The following MAD1L1 variants were observed in gnomAD, a reference collection of about 807,000 sequenced individuals.
MAD1L1 encodes mitotic spindle assembly checkpoint protein MAD1.
Under a neutral mutation model 96.9 loss-of-function variants are expected in MAD1L1, and 95 were observed. The ratio of observed to expected loss-of-function variants is 0.98; its 90% CI spans 0.83 to 1.16. The LOEUF is 1.16. Ranked by LOEUF, MAD1L1 falls within the 50% of genes most tolerant of loss-of-function variation. The pLI is 0.00. For missense variants in MAD1L1, 1,007 were observed against 954.4 expected, an observed-to-expected ratio of 1.06 and a Z score of -0.73; for synonymous variants, 473 against 396.6, an observed-to-expected ratio of 1.19 and a Z score of -2.29.
chr7:1,959,661 CG>C (rs1468621600), intron 15 of MAD1L1, among the ~76,000 whole-genome samples: 1 of 152,118 alleles, frequency 6.6e-6, no homozygotes, highest in African/African-American at 2.4e-5. Context: ...TCTGAAATAA[CG>C]AAAGAAATAA....
At chr7:2,186,913 C>T (rs993847304) in intron 10 of MAD1L1, among the ~76,000 whole-genome samples, 1 of 152,022 alleles carries the variant, frequency 6.6e-6, no homozygotes, top group East Asian at 1.9e-4. Flanking sequence ...CCTGCCTCAG[C>T]CTCCCCAGTA....
chr7:1,964,216 C>T (rs1038708824), intron 15 of MAD1L1, among the ~76,000 whole-genome samples: 4 of 152,170 alleles, frequency 2.6e-5, no homozygotes, highest in Admixed American at 1.3e-4. Flanking sequence ...AGGCCATCTC[C>T]GAGAAGCTGC....
chr7:1,957,092 C>G (rs1188965039), intron 16 of MAD1L1, among the ~76,000 whole-genome samples: 1 of 152,250 alleles, frequency 6.6e-6, no homozygotes, highest in Non-Finnish European at 1.5e-5. Flanking sequence ...ATGACAGGTC[C>G]TAGGCTGAGG....
intron 18 of MAD1L1, among the ~76,000 whole-genome samples, chr7:1,852,486 C>T (rs538344936): frequency 9.1e-4 from 138 of 152,284 alleles, no homozygotes; most frequent in Middle Eastern, 6.8e-3. Context: ...GGCAATGCCC[C>T]GCTCCCTGGG....
At chr7:1,877,353 T>C (rs902700367) in intron 18 of MAD1L1, among the ~76,000 whole-genome samples, 2 of 151,800 alleles carry the variant, frequency 1.3e-5, no homozygotes, top group South Asian at 4.2e-4. Flanking sequence ...ACCTGTTTCT[T>C]TACAGGAAAG....
chr7:2,138,416 C>T (rs932789223), intron 11 of MAD1L1, among the ~76,000 whole-genome samples: 3 of 152,194 alleles, frequency 2.0e-5, no homozygotes, highest in Admixed American at 2.0e-4. Context: ...AGAACCACGA[C>T]GAGGTGGGCG....
At position 1,904,654 on chromosome 7, in the gene MAD1L1, G is replaced by A. The variant is rs143415225; in HGVS notation, c.1808-6264C>T. Among the ~76,000 whole-genome samples, 330 of 116,190 alleles carry A rather than the reference G, an allele frequency of 2.8e-3. 71 individuals carry two copies. The highest frequency in any genetic ancestry group is 0.011 in the African/African-American group (270 of 23,622). The allele number at this position is 116,190 out of a possible 152,430, so 76.2% of individuals were successfully genotyped here. On this transcript the variant is annotated intron_variant, in intron 17 of 18. Transcript: ENST00000265854. Reference sequence around the variant, plus strand: ...AGTGGCCTATGGAAGACGCTCTTGCGGAATTCATGATTAATGAAGCACTGT... The same window carrying A: ...AGTGGCCTATGGAAGACGCTCTTGCAGAATTCATGATTAATGAAGCACTGT...
In MAD1L1 at chr7:1,830,653, T is replaced by C. The variant is rs139207171; in HGVS notation, c.1999-14425A>G. Among the ~76,000 whole-genome samples the C allele has an allele frequency of 4.0e-3, 605 of 152,362 alleles. 3 individuals carry two copies. The highest frequency in any genetic ancestry group is 0.014 in the African/African-American group (573 of 41,568). On this transcript the variant is annotated intron_variant, in intron 18 of 18. Transcript: ENST00000265854. ...CAGGAAGGAGAAGACTGGAAGTATGTGACTGTCAGGTTCTCACACTACACA... is the reference window on the plus strand; with the variant it reads ...CAGGAAGGAGAAGACTGGAAGTATGCGACTGTCAGGTTCTCACACTACACA...
intron 15 of MAD1L1, among the ~76,000 whole-genome samples, chr7:1,977,746 C>A (rs575683428): frequency 1.3e-5 from 2 of 152,242 alleles, no homozygotes; most frequent in Non-Finnish European, 2.9e-5. Flanking sequence ...AACTGCAGAA[C>A]GAGAGGTTCT....
At chr7:1,881,788 G>C (rs1443039852) in intron 18 of MAD1L1, among the ~76,000 whole-genome samples, 1 of 152,204 alleles carries the variant, frequency 6.6e-6, no homozygotes, top group Admixed American at 6.5e-5. Context: ...CAGCAGACAC[G>C]ACCCGAGGCC....
intron 12 of MAD1L1, among the ~76,000 whole-genome samples, chr7:2,062,832 G>A (rs1784721225): frequency 6.6e-6 from 1 of 152,148 alleles, no homozygotes; most frequent in African/African-American, 2.4e-5. Flanking sequence ...CACACGTCAG[G>A]TCACTAAACC....
intron 14 of MAD1L1, among the ~76,000 whole-genome samples, chr7:1,986,418 G>A (rs561261501): frequency 1.8e-4 from 28 of 152,296 alleles, no homozygotes; most frequent in African/African-American, 6.5e-4. Flanking sequence ...GCCGGCCCCC[G>A]CACTGCGGAG....
At chr7:2,090,892 G>C (rs1786177575) in intron 11 of MAD1L1, among the ~76,000 whole-genome samples, 2 of 152,200 alleles carry the variant, frequency 1.3e-5, no homozygotes, top group Admixed American at 1.3e-4. Flanking sequence ...ACCCTAGGGG[G>C]ATTAAGTTCC....
At chr7:1,887,253 A>G (rs955433114) in intron 18 of MAD1L1, among the ~76,000 whole-genome samples, 4 of 151,854 alleles carry the variant, frequency 2.6e-5, no homozygotes, top group African/African-American at 9.7e-5. Flanking sequence ...GTGGCTGTGC[A>G]TGTGTGGGCA....
At chr7:1,953,687 G>C (rs572585248) in intron 16 of MAD1L1, among the ~76,000 whole-genome samples, 1 of 152,272 alleles carries the variant, frequency 6.6e-6, no homozygotes, top group African/African-American at 2.4e-5. Flanking sequence ...CGGAACATCC[G>C]TGGTGGAGCC....
intron 10 of MAD1L1, among the ~76,000 whole-genome samples, chr7:2,197,585 T>G (rs1453608528): frequency 1.3e-5 from 2 of 152,136 alleles, no homozygotes; most frequent in African/African-American, 2.4e-5. Context: ...CGACCAGGAC[T>G]GGCGGGCTGC....
At chr7:1,925,596 C>T (rs1385155871) in intron 17 of MAD1L1, among the ~76,000 whole-genome samples, 3 of 152,244 alleles carry the variant, frequency 2.0e-5, no homozygotes, top group Admixed American at 1.3e-4. Flanking sequence ...GTGGAGCCCA[C>T]GTGACCTCAA....
chr7:2,195,032 A>G (rs1791914981), intron 10 of MAD1L1, among the ~76,000 whole-genome samples: 1 of 151,976 alleles, frequency 6.6e-6, no homozygotes, highest in Admixed American at 6.6e-5. Context: ...AGGTTGCAGC[A>G]AGCAGAGATC....
intron 10 of MAD1L1, among the ~76,000 whole-genome samples, chr7:2,206,873 G>A (rs928967827): frequency 5.3e-5 from 8 of 152,120 alleles, no homozygotes; most frequent in African/African-American, 1.7e-4. Context: ...CTTGAGGTCA[G>A]GAGTTCAAGA....
Sources: allele counts gnomAD v4.1 joint callset (sites outside exome capture counted in the v4.1 genomes callset), GRCh38; gene constraint gnomAD v4.1.1; transcripts MANE v1.5; gene names NCBI Gene and HGNC (gene_info 2026-07-23, HGNC 2026-07-21).